TENM3: variants seen among roughly 807,000 people sequenced by gnomAD.
The protein encoded by TENM3 is teneurin-3.
In TENM3, 63 loss-of-function variants were observed where a neutral mutation model predicts 255.1. The ratio of observed to expected loss-of-function variants is 0.25; its 90% CI spans 0.20 to 0.30. TENM3 has a LOEUF of 0.30. Ranked by LOEUF, TENM3 falls within the 10% of genes least tolerant of loss-of-function variation. The pLI is 1.00. For synonymous variants in TENM3, 1,306 were observed against 1,322.3 expected, an observed-to-expected ratio of 0.99 and a Z score of 0.27; for missense variants, 2,929 against 3,461.1, an observed-to-expected ratio of 0.85 and a Z score of 3.86.
the TENM3 span, among the ~76,000 whole-genome samples, chr4:181,717,093 T>C: frequency 6.6e-6 from 1 of 152,142 alleles, no homozygotes; most frequent in African/African-American, 2.4e-5. Context: ...GATGTATGGA[T>C]TTGAATCTAG....
At chr4:182,615,349 G>T (rs1408832976) in intron 4 of TENM3, among the ~76,000 whole-genome samples, 1 of 152,000 alleles carries the variant, frequency 6.6e-6, no homozygotes, top group Non-Finnish European at 1.5e-5. Flanking sequence ...TACTCTCTCT[G>T]CGAAGAAATT....
At chr4:181,706,733 T>C in the TENM3 span, among the ~76,000 whole-genome samples, 13 of 152,226 alleles carry the variant, frequency 8.5e-5, no homozygotes, top group Non-Finnish European at 1.3e-4. Context: ...TCTCCTCTGC[T>C]ATCTGAGACC....
chr4:181,798,394 T>C, the TENM3 span, among the ~76,000 whole-genome samples: 1 of 152,068 alleles, frequency 6.6e-6, no homozygotes, highest in Non-Finnish European at 1.5e-5. Flanking sequence ...CTGCAACCTC[T>C]GCCTGCTGTG....
At chr4:182,535,994 G>T (rs1005411151) in intron 3 of TENM3, among the ~76,000 whole-genome samples, 1 of 151,622 alleles carries the variant, frequency 6.6e-6, no homozygotes, top group South Asian at 2.1e-4. Context: ...TTTTAATATT[G>T]TATATGTATT....
intron 22 of TENM3, among the ~76,000 whole-genome samples, chr4:182,765,307 G>C (rs9999719): frequency 0.019 from 2,949 of 152,258 alleles, 98 homozygotes; most frequent in African/African-American, 0.067. Flanking sequence ...ACAGACTGGA[G>C]TTTCCTGTGG....
intron 1 of TENM3, among the ~76,000 whole-genome samples, chr4:182,194,402 C>T (rs900100865): frequency 5.3e-5 from 8 of 152,040 alleles, no homozygotes; most frequent in African/African-American, 7.3e-5. Flanking sequence ...GCAGGGTTAC[C>T]GGAATATATT....
At chr4:182,492,223 T>C (rs1476243031) in intron 3 of TENM3, among the ~76,000 whole-genome samples, 1 of 152,162 alleles carries the variant, frequency 6.6e-6, no homozygotes, top group Non-Finnish European at 1.5e-5. Flanking sequence ...TGACAGCATA[T>C]GTTAAAATTG....
chr4:181,610,204 C>G, the TENM3 span, among the ~76,000 whole-genome samples: 3 of 152,174 alleles, frequency 2.0e-5, no homozygotes, highest in Non-Finnish European at 4.4e-5. Context: ...TAAGTTGTCT[C>G]TACACACCCT....
the TENM3 span, among the ~76,000 whole-genome samples, chr4:181,597,994 C>A: frequency 6.6e-6 from 1 of 152,178 alleles, no homozygotes; most frequent in African/African-American, 2.4e-5. Context: ...ATCCCCAGAT[C>A]TCTGCAGGCT....
chr4:182,289,112 C>A (rs765437691), intron 1 of TENM3, among the ~76,000 whole-genome samples: 1 of 152,144 alleles, frequency 6.6e-6, no homozygotes, highest in African/African-American at 2.4e-5. Context: ...CACCTGTAGT[C>A]CCAGCTACTC....
At chr4:181,825,583 A>C in the TENM3 span, among the ~76,000 whole-genome samples, 3 of 152,302 alleles carry the variant, frequency 2.0e-5, no homozygotes, top group African/African-American at 7.2e-5. Context: ...GAAAGGCATT[A>C]TTAATTTGGA....
chr4:181,562,871 C>T, the TENM3 span, among the ~76,000 whole-genome samples: 1 of 152,044 alleles, frequency 6.6e-6, no homozygotes, highest in African/African-American at 2.4e-5. Flanking sequence ...GGCGGGGTTT[C>T]ACCATGTTGG....
the TENM3 span, among the ~76,000 whole-genome samples, chr4:181,510,239 T>C: frequency 2.0e-5 from 3 of 152,240 alleles, no homozygotes; most frequent in South Asian, 6.2e-4. Flanking sequence ...TATTTTTTTC[T>C]TCCCTTTGAA....
At chr4:181,641,357 C>T in the TENM3 span, among the ~76,000 whole-genome samples, 154 of 151,132 alleles carry the variant, frequency 1.0e-3, no homozygotes, top group Admixed American at 3.1e-3. Context: ...CGGCAGGGCC[C>T]GGTGTGTGAC....
the TENM3 span, among the ~76,000 whole-genome samples, chr4:181,482,701 T>C: frequency 6.6e-6 from 1 of 152,300 alleles, no homozygotes; most frequent in Admixed American, 6.5e-5. Context: ...TGGGTCACTT[T>C]TGCCTCCGCC....
At chr4:182,156,814 C>A (rs1178964058) in intron 1 of TENM3, among the ~76,000 whole-genome samples, 2 of 152,110 alleles carry the variant, frequency 1.3e-5, no homozygotes, top group Non-Finnish European at 2.9e-5. Flanking sequence ...CACTCAAATC[C>A]AGCCCCACCT....
At chr4:182,321,214 C>A (rs1763028386) in intron 1 of TENM3, among the ~76,000 whole-genome samples, 2 of 152,142 alleles carry the variant, frequency 1.3e-5, no homozygotes, top group African/African-American at 4.8e-5. Context: ...AAAGAATGTA[C>A]CTGTTTCCCT....
chr4:181,511,530 G>A, the TENM3 span, among the ~76,000 whole-genome samples: 15 of 152,276 alleles, frequency 9.9e-5, 1 homozygote, highest in Admixed American at 2.0e-4. Flanking sequence ...TTCACAGGCT[G>A]CCCTCTAAAA....
the TENM3 span, among the ~76,000 whole-genome samples, chr4:182,061,497 T>C: frequency 3.3e-5 from 5 of 151,978 alleles, no homozygotes; most frequent in African/African-American, 1.2e-4. Context: ...GAACAAGAGG[T>C]TCTATTGTAA....
Sources: gnomAD v4.1 joint callset for allele counts (sites outside exome capture counted in the v4.1 genomes callset) on GRCh38, gnomAD v4.1.1 for gene constraint, MANE v1.5 for transcripts, NCBI Gene and HGNC (gene_info 2026-07-23, HGNC 2026-07-21) for gene names.